DCLK1: variants seen among roughly 807,000 people sequenced by gnomAD.
DCLK1 encodes serine/threonine-protein kinase DCLK1.
DCLK1 carries 16 observed loss-of-function variants against 86.2 expected under a neutral mutation model. The ratio of observed to expected loss-of-function variants is 0.19; its 90% confidence interval spans 0.13 to 0.28. DCLK1 has a LOEUF of 0.28. DCLK1 is among the 10% of genes least tolerant of loss of function. The pLI is 1.00. For missense variants in DCLK1, 590 were observed against 940.2 expected (o/e 0.63, Z 4.87); for synonymous variants, 369 against 370.5 (o/e 1.00, Z 0.05).
intron 3 of DCLK1, among the ~76,000 whole-genome samples, chr13:35,970,658 G>A (rs1159504183): frequency 6.6e-6 from 1 of 152,132 alleles, no homozygotes; most frequent in Non-Finnish European, 1.5e-5. Flanking sequence ...CCTGGGAGTG[G>A]AAACTGGACC....
At chr13:35,962,356 C>A (rs1215544983) in intron 3 of DCLK1, among the ~76,000 whole-genome samples, 1 of 152,066 alleles carries the variant, frequency 6.6e-6, no homozygotes, top group Non-Finnish European at 1.5e-5. Flanking sequence ...AAGAATGGCA[C>A]GTGAATATAA....
intron 3 of DCLK1, among the ~76,000 whole-genome samples, chr13:36,008,059 T>C (rs187234298): frequency 9.5e-4 from 144 of 151,408 alleles, no homozygotes; most frequent in Middle Eastern, 3.4e-3. Flanking sequence ...TTTCCAATTA[T>C]ACCTAATTGC....
At chr13:35,824,084 C>A (rs1157421559) in intron 10 of DCLK1, among the ~76,000 whole-genome samples, 1 of 152,206 alleles carries the variant, frequency 6.6e-6, no homozygotes, top group Non-Finnish European at 1.5e-5. Flanking sequence ...GTGAACAGCA[C>A]CCCTGGAGTT....
chr13:35,944,088 G>A (rs1316154425), intron 4 of DCLK1, among the ~76,000 whole-genome samples: 1 of 152,170 alleles, frequency 6.6e-6, no homozygotes, highest in Admixed American at 6.5e-5. Flanking sequence ...AGTCTCCCTG[G>A]CAGTTTCCGA....
intron 3 of DCLK1, among the ~76,000 whole-genome samples, chr13:36,048,047 G>A (rs1882986702): frequency 6.6e-6 from 1 of 152,194 alleles, no homozygotes; most frequent in South Asian, 2.1e-4. Flanking sequence ...TGATATGGGT[G>A]TAAAGTAATG....
At position 35,828,300 on chromosome 13, in the gene DCLK1, C is replaced by A; in HGVS notation, c.1237G>T (p.Ala413Ser). 2 of 1,607,114 alleles carry A rather than the reference C, an allele frequency of 1.2e-6. No individual in the cohort carries two copies. The highest frequency in any genetic ancestry group is 1.7e-6 in the Non-Finnish European group (2 of 1,178,692). ...ATAATTTTCAGAGCATACTCTCTAG[C>A]AGTCGATCTGCGAAGAGAAAGTTCA... ...VVKECVERST[A>S]REYALKIIKK... Residue 413 changes from alanine (A) to serine (S), a missense_variant, in exon 9 of 17, where the codon GCT (alanine) becomes TCT (serine). This residue lies in a region of DCLK1 where 108 missense variants were observed against 195.7 expected (regional missense o/e 0.55). Transcript: ENST00000360631.
intron 3 of DCLK1, among the ~76,000 whole-genome samples, chr13:36,101,254 C>T (rs765151096): frequency 2.6e-5 from 4 of 152,192 alleles, no homozygotes; most frequent in Non-Finnish European, 5.9e-5. Flanking sequence ...GTTTGTTCAG[C>T]CTTCCTGACT....
intron 3 of DCLK1, among the ~76,000 whole-genome samples, chr13:36,092,249 C>T (rs903612533): frequency 1.1e-4 from 17 of 151,762 alleles, no homozygotes; most frequent in African/African-American, 4.1e-4. Flanking sequence ...ATTATATAAC[C>T]CTTCTAAATC....
intron 3 of DCLK1, among the ~76,000 whole-genome samples, chr13:36,089,950 T>G (rs550409531): frequency 6.6e-6 from 1 of 152,196 alleles, no homozygotes; most frequent in Non-Finnish European, 1.5e-5. Flanking sequence ...AATCCAGATG[T>G]GCGTTTGCAA....
chr13:35,836,247 C>T (rs1869369918), intron 7 of DCLK1, 106 bp from the exon 8 acceptor site: 1 of 986,110 alleles, frequency 1.0e-6, no homozygotes, highest in South Asian at 1.5e-5. Context: ...GATTCAGAAT[C>T]AATATGTCAT....
At chr13:35,888,369 G>C (rs902646107) in intron 4 of DCLK1, among the ~76,000 whole-genome samples, 1 of 152,162 alleles carries the variant, frequency 6.6e-6, no homozygotes, top group South Asian at 2.1e-4. Flanking sequence ...GTGAAGAAAA[G>C]AAGAAAAGGT....
intron 3 of DCLK1, among the ~76,000 whole-genome samples, chr13:36,105,646 A>T (rs549134240): frequency 5.3e-5 from 8 of 152,224 alleles, no homozygotes; most frequent in Non-Finnish European, 7.3e-5. Context: ...TTTATAGCAT[A>T]CATAAGCAAA....
intron 3 of DCLK1, among the ~76,000 whole-genome samples, chr13:36,103,636 T>TA (rs60438226): frequency 0.16 from 24,415 of 152,184 alleles, 2,234 homozygotes; most frequent in Non-Finnish European, 0.21. Flanking sequence ...AGTTCCTATT[T>TA]AAAATTGGAT....
At chr13:35,911,457 TAGAG>T (rs1875028416) in intron 4 of DCLK1, among the ~76,000 whole-genome samples, 1 of 152,098 alleles carries the variant, frequency 6.6e-6, no homozygotes, top group African/African-American at 2.4e-5. Context: ...GATCTCCTGT[TAGAG>T]AGAAGGTGGT....
At chr13:36,059,394 T>C (rs1185638246) in intron 3 of DCLK1, among the ~76,000 whole-genome samples, 3 of 151,070 alleles carry the variant, frequency 2.0e-5, no homozygotes, top group African/African-American at 7.4e-5. Context: ...ATTTAAATAA[T>C]ACCTTTCTCC....
chr13:36,045,054 A>G (rs1341491158), intron 3 of DCLK1, among the ~76,000 whole-genome samples: 3 of 151,430 alleles, frequency 2.0e-5, no homozygotes, highest in Non-Finnish European at 4.4e-5. Flanking sequence ...ATAATATTCT[A>G]TTTCTTAATC....
At chr13:36,004,815 C>T (rs1405916136) in intron 3 of DCLK1, among the ~76,000 whole-genome samples, 4 of 152,086 alleles carry the variant, frequency 2.6e-5, no homozygotes, top group African/African-American at 7.2e-5. Flanking sequence ...TGGGCTCAAG[C>T]GATCTGCCTG....
At chr13:35,846,972 T>A (rs968176454) in intron 6 of DCLK1, 10 of 985,098 alleles carry the variant, frequency 1.0e-5, no homozygotes, top group Non-Finnish European at 9.6e-6. Flanking sequence ...TACTCTGGAT[T>A]TTCTTCTATT....
intron 2 of DCLK1, among the ~76,000 whole-genome samples, chr13:36,119,174 G>T (rs1158840132): frequency 6.6e-6 from 1 of 152,134 alleles, no homozygotes; most frequent in African/African-American, 2.4e-5. Flanking sequence ...AAGAACTAAG[G>T]AAGAGAAACA....
Sources: gnomAD v4.1 joint callset for allele counts (sites outside exome capture counted in the v4.1 genomes callset) on GRCh38, gnomAD v4.1.1 for gene constraint, gnomAD v4.1.1 regional missense constraint, MANE v1.5 for transcripts, NCBI Gene and HGNC (gene_info 2026-07-23, HGNC 2026-07-21) for gene names.